Variants in ZSCAN4 observed in about 807,000 individuals in gnomAD.
ZSCAN4 encodes zinc finger and SCAN domain containing 4, also known as zinc finger and SCAN domain-containing protein 4.
Under a neutral mutation model 18.3 loss-of-function variants are expected in ZSCAN4, and 18 were observed. That is an observed-to-expected ratio of 0.98 (90% CI 0.68 to 1.46). ZSCAN4 has a LOEUF of 1.46. Among genes scored for constraint, ZSCAN4 ranks in the 40% most tolerant of loss-of-function variants. ZSCAN4 has a pLI of 0.00. For missense variants in ZSCAN4, 498 were observed against 511.4 expected, an observed-to-expected ratio of 0.97 and a Z score of 0.25; for synonymous variants, 193 against 180.3, an observed-to-expected ratio of 1.07 and a Z score of -0.57.
chr19:57,667,156 G>A (rs1460576088), upstream of ZSCAN4, among the ~76,000 whole-genome samples: 1 of 152,176 alleles, frequency 6.6e-6, no homozygotes, highest in East Asian at 1.9e-4. Flanking sequence ...AAATTACTAT[G>A]TGGATTTCAC....
rs1245968972 is a variant in ZSCAN4 at position 57,670,327 on chromosome 19, C to T, written c.-346C>T. ...TTCCATCAGTAATTCAATCAACAGA[C>T]AAGTGTTATCCAATCACGTCTTTAA... On this transcript the variant is annotated 5_prime_UTR_variant, in exon 2 of 5. It introduces an in-frame stop codon into an upstream open reading frame of the 5' UTR. Coordinates refer to ENST00000318203, the Ensembl canonical transcript of ZSCAN4. The T allele has an allele frequency of 6.6e-6, 1 of 152,286 alleles. No homozygotes were observed. Among genetic ancestry groups the T allele is most frequent in the East Asian group, 1.9e-4 (1 of 5,200 alleles). The allele number at this position is 152,286 out of a possible 1,614,324, so 9.4% of individuals were successfully genotyped here.
upstream of ZSCAN4, among the ~76,000 whole-genome samples, chr19:57,668,229 G>T (rs533847199): frequency 4.8e-4 from 73 of 152,136 alleles, no homozygotes; most frequent in African/African-American, 1.6e-3. Flanking sequence ...TAGCAGAGAA[G>T]TATCCCTGCT....
At chr19:57,678,844 A>G (rs1300413954) in exon 5 of ZSCAN4, 4 of 1,613,256 alleles carry the variant, frequency 2.5e-6, no homozygotes, top group African/African-American at 2.7e-5. Context: ...TACCACCGCC[A>G]TATGAGGACT....
chr19:57,656,456 A>G, the ZSCAN4 span, among the ~76,000 whole-genome samples: 9 of 152,184 alleles, frequency 5.9e-5, no homozygotes, highest in African/African-American at 1.9e-4. Flanking sequence ...ATTACCACAT[A>G]CCCCAGTTTT....
chr19:57,676,329 T>C (rs1600009352), exon 3 of ZSCAN4: 2 of 1,614,210 alleles, frequency 1.2e-6, no homozygotes, highest in Middle Eastern at 1.6e-4. Context: ...AAGGCAGGAA[T>C]TGCAAAGACT....
chr19:57,653,328 A>C, the ZSCAN4 span, among the ~76,000 whole-genome samples: 2 of 150,000 alleles, frequency 1.3e-5, no homozygotes, highest in Admixed American at 6.6e-5. Context: ...TGGAGGTTGC[A>C]GTGAGCTGAG....
At chr19:57,653,438 G>A in the ZSCAN4 span, among the ~76,000 whole-genome samples, 16 of 147,418 alleles carry the variant, frequency 1.1e-4, no homozygotes, top group Admixed American at 6.7e-4. Context: ...TTTCTTTCTC[G>A]CCTTTCAGAA....
chr19:57,671,529 A>G (rs1162654056), intron 2 of ZSCAN4, among the ~76,000 whole-genome samples: 9 of 151,650 alleles, frequency 5.9e-5, no homozygotes, highest in Admixed American at 1.3e-4. Flanking sequence ...AGAGAGACCA[A>G]TGTCCCTGGA....
At chr19:57,653,481 G>C in the ZSCAN4 span, among the ~76,000 whole-genome samples, 1 of 151,578 alleles carries the variant, frequency 6.6e-6, no homozygotes, top group Non-Finnish European at 1.5e-5. Flanking sequence ...AAAGCCCTCA[G>C]GCCAACAAGG....
At chr19:57,660,644 C>A in the ZSCAN4 span, among the ~76,000 whole-genome samples, 61 of 152,304 alleles carry the variant, frequency 4.0e-4, no homozygotes, top group East Asian at 6.5e-3. Context: ...AAGTATCTCA[C>A]CCTGCAAACA....
intron 4 of ZSCAN4, 25 bp downstream of exon 4, chr19:57,678,104 T>C: frequency 6.3e-7 from 1 of 1,589,268 alleles, no homozygotes; most frequent in South Asian, 1.2e-5. Flanking sequence ...TCTGCACAAC[T>C]GAGGAGTGTT....
chr19:57,671,075 T>C (rs1375548869), intron 2 of ZSCAN4, among the ~76,000 whole-genome samples: 1 of 152,086 alleles, frequency 6.6e-6, no homozygotes, highest in African/African-American at 2.4e-5. Flanking sequence ...TTGCCCAGTG[T>C]GGTCTCAAAC....
chr19:57,667,150 T>C (rs1983877141), upstream of ZSCAN4, among the ~76,000 whole-genome samples: 1 of 152,238 alleles, frequency 6.6e-6, no homozygotes, highest in Non-Finnish European at 1.5e-5. Flanking sequence ...TTGATTAAAT[T>C]ACTATGTGGA....
the ZSCAN4 span, among the ~76,000 whole-genome samples, chr19:57,657,148 C>T: frequency 6.6e-6 from 1 of 151,504 alleles, no homozygotes. Flanking sequence ...CCCAGCTACT[C>T]AAGAGGCTGA....
At chr19:57,666,897 T>TTTGTTA (rs1983867717), upstream of ZSCAN4, among the ~76,000 whole-genome samples, 1 of 151,078 alleles carries the variant, frequency 6.6e-6, no homozygotes, top group Non-Finnish European at 1.5e-5. Flanking sequence ...CTACCAGGTT[T>TTTGTTA]TTATTATTAT....
chr19:57,661,434 CAT>C, the ZSCAN4 span, among the ~76,000 whole-genome samples: 1 of 152,160 alleles, frequency 6.6e-6, no homozygotes, highest in Non-Finnish European at 1.5e-5. Flanking sequence ...ATAAATCACA[CAT>C]GATTGTTACT....
At chr19:57,656,276 G>A in the ZSCAN4 span, among the ~76,000 whole-genome samples, 1 of 152,138 alleles carries the variant, frequency 6.6e-6, no homozygotes, top group African/African-American at 2.4e-5. Context: ...TCCCATCACT[G>A]TTGTCCATTT....
upstream of ZSCAN4, among the ~76,000 whole-genome samples, chr19:57,665,803 T>C (rs1208671712): frequency 1.3e-5 from 2 of 152,094 alleles, no homozygotes; most frequent in African/African-American, 4.8e-5. Flanking sequence ...TCCCAGCTAC[T>C]CCGGAGGCTG....
intron 3 of ZSCAN4, 97 bp from the exon 4 acceptor site, chr19:57,677,817 G>A (rs899372770): frequency 8.6e-7 from 1 of 1,161,934 alleles, no homozygotes; most frequent in Admixed American, 2.8e-5. Context: ...GCCAATACTT[G>A]AGGGAGCTTG....
Sources: gnomAD v4.1 joint callset for allele counts (sites outside exome capture counted in the v4.1 genomes callset) on GRCh38, gnomAD v4.1.1 for gene constraint, MANE v1.5 for transcripts, NCBI Gene and HGNC (gene_info 2026-07-23, HGNC 2026-07-21) for gene names.